The following PCLO variants were observed in gnomAD, a reference collection of about 807,000 sequenced individuals.
The protein encoded by PCLO is piccolo presynaptic cytomatrix protein.
A neutral mutation model predicts 427.5 loss-of-function variants in PCLO; 82 were observed. The observed-to-expected ratio is 0.19, with a 90% CI of 0.16 to 0.23. The LOEUF (loss-of-function observed/expected upper bound fraction) is 0.23. Ranked by LOEUF, PCLO falls within the 10% of genes least tolerant of loss-of-function variation. The pLI is 1.00. For missense variants in PCLO, 6,239 were observed against 6,115.9 expected (o/e 1.02, Z -0.67); for synonymous variants, 2,357 against 2,155.4 (o/e 1.09, Z -2.59).
chr7:83,038,029 A>G lies in PCLO; in HGVS notation c.3301-71542T>C, dbSNP rs1156435205. ...TATATATATATATATATATATATAT[A>G]TTTATATATTTATATATATATCTTT... is the stretch of plus-strand genomic sequence containing the variant. On this transcript the variant is annotated intron_variant, in intron 3 of 24. Coordinates refer to ENST00000333891, the MANE Select transcript of PCLO (RefSeq NM_033026.6). 5.5e-5 allele frequency among the ~76,000 whole-genome samples: 2 copies of G among 36,496 alleles called. 1 individual carries two copies. Among genetic ancestry groups the G allele is most frequent in the African/African-American group, 3.7e-4 (2 of 5,402 alleles). The allele number at this position is 36,496 out of a possible 152,430, so 23.9% of individuals were successfully genotyped here. A position where few individuals can be genotyped will look rare whatever the true frequency, so the allele number is the denominator to read the frequency against.
chr7:83,140,231 C>T (rs185775036), intron 2 of PCLO, among the ~76,000 whole-genome samples: 92 of 152,260 alleles, frequency 6.0e-4, no homozygotes, highest in African/African-American at 2.1e-3. Flanking sequence ...AATGTTCTCT[C>T]ACATTTCCAA....
chr7:82,817,386 G>C (rs1348990821), intron 20 of PCLO, among the ~76,000 whole-genome samples: 1 of 152,030 alleles, frequency 6.6e-6, no homozygotes, highest in Admixed American at 6.6e-5. Flanking sequence ...TTTCTTATGG[G>C]CCTGACCTTT....
intron 22 of PCLO, among the ~76,000 whole-genome samples, chr7:82,783,232 G>T (rs190412942): frequency 6.6e-6 from 1 of 152,210 alleles, no homozygotes; most frequent in Non-Finnish European, 1.5e-5. Context: ...AACATTCTTT[G>T]GTTTTGAGTT....
intron 3 of PCLO, among the ~76,000 whole-genome samples, chr7:83,058,626 C>T (rs1379038066): frequency 6.6e-6 from 1 of 151,944 alleles, no homozygotes; most frequent in African/African-American, 2.4e-5. Context: ...AAGAATATTG[C>T]CTAAATTAAC....
At chr7:83,094,853 T>A (rs918892811) in intron 3 of PCLO, among the ~76,000 whole-genome samples, 2 of 152,204 alleles carry the variant, frequency 1.3e-5, no homozygotes, top group Admixed American at 6.5e-5. Context: ...CCTACATTGC[T>A]GAATTCTATC....
At position 82,914,661 on chromosome 7, in the gene PCLO, C is replaced by G. The variant is rs143276163; in HGVS notation, c.13300+25G>C. On this transcript the variant is annotated intron_variant, in intron 7 of 24. Coordinates refer to ENST00000333891, the MANE Select transcript of PCLO (RefSeq NM_033026.6). ...ATAAGAGTTTGAGTTTTGAGAGTAA[C>G]AGGGTAGTTTGAGGCCCAATTTACC... is the stretch of plus-strand genomic sequence containing the variant. 9.2e-4 allele frequency: 1,475 copies of G among 1,608,330 alleles called. 13 individuals carry two copies. In the African/African-American group the frequency reaches 0.018, roughly 19 times the overall value.
intron 3 of PCLO, among the ~76,000 whole-genome samples, chr7:83,073,781 T>TA (rs1257801542): frequency 1.3e-5 from 2 of 151,188 alleles, no homozygotes; most frequent in Non-Finnish European, 3.0e-5. Flanking sequence ...TATTTTAACA[T>TA]AAATTTTTTT....
rs1245334505 is a variant in PCLO at position 83,123,748 on chromosome 7, T to C, written c.3300+10502A>G. 4.6e-5 allele frequency among the ~76,000 whole-genome samples: 7 copies of C among 152,120 alleles called. No individual in the cohort carries two copies. In the East Asian group the frequency reaches 7.8e-4, roughly 17 times the overall value. ...TGACAAGGGATTAATTTCCAGAATA[T>C]ACACAGAGCTGAAACAAATCCATAG... On this transcript the variant is annotated intron_variant, in intron 3 of 24. Coordinates refer to ENST00000333891, the MANE Select transcript of PCLO (RefSeq NM_033026.6).
At chr7:82,917,016 A>G (rs1195108534) in intron 6 of PCLO, 143 bp from the exon 7 acceptor site, 2 of 547,464 alleles carry the variant, frequency 3.7e-6, no homozygotes, top group African/African-American at 3.8e-5. Context: ...TATGCATATA[A>G]TTTCAAGTAT....
chr7:82,982,277 C>T (rs1263085090), intron 3 of PCLO, among the ~76,000 whole-genome samples: 1 of 152,082 alleles, frequency 6.6e-6, no homozygotes, highest in Non-Finnish European at 1.5e-5. Context: ...GCAGAAAATG[C>T]TCTGCAAACT....
chr7:82,892,255 C>T (rs1793786446), intron 9 of PCLO, among the ~76,000 whole-genome samples: 1 of 151,962 alleles, frequency 6.6e-6, no homozygotes, highest in Non-Finnish European at 1.5e-5. Context: ...CAGGACAGAG[C>T]CCTCAGAAAT....
intron 24 of PCLO, among the ~76,000 whole-genome samples, chr7:82,759,681 CTT>C (rs1790390061): frequency 6.6e-6 from 1 of 151,864 alleles, no homozygotes; most frequent in South Asian, 2.1e-4. Flanking sequence ...TATCTTTTAT[CTT>C]TGTCTCTAAT....
In PCLO at chr7:82,867,622, C is replaced by T. The variant is rs146530256; in HGVS notation, c.13654+11715G>A. Among the ~76,000 whole-genome samples the T allele has an allele frequency of 2.6e-3, 391 of 152,156 alleles. 1 individual carries two copies. The highest frequency in any genetic ancestry group is 8.9e-3 in the African/African-American group (369 of 41,490). ...CCAAGAAATATTGGTTAGACAAATCCGGAAATCTAACTGTAGGAACAATTG... is the reference window on the plus strand; with the variant it reads ...CCAAGAAATATTGGTTAGACAAATCTGGAAATCTAACTGTAGGAACAATTG... On this transcript the variant is annotated intron_variant, in intron 10 of 24. Transcript: ENST00000333891.
chr7:82,801,317 A>C (rs1336361407), intron 22 of PCLO, among the ~76,000 whole-genome samples: 1 of 151,434 alleles, frequency 6.6e-6, no homozygotes, highest in African/African-American at 2.4e-5. Flanking sequence ...AGTTACTTTA[A>C]TGTTAAACAC....
chr7:82,764,226 T>G (rs1020533948), intron 22 of PCLO, among the ~76,000 whole-genome samples: 7 of 151,924 alleles, frequency 4.6e-5, no homozygotes, highest in African/African-American at 1.7e-4. Context: ...GGATGCCATT[T>G]AAAACTAACA....
At chr7:82,978,359 C>T (rs1002693733) in intron 3 of PCLO, among the ~76,000 whole-genome samples, 1 of 151,954 alleles carries the variant, frequency 6.6e-6, no homozygotes, top group African/African-American at 2.4e-5. Context: ...CAGGAAGATA[C>T]AAATTTGTAA....
intron 3 of PCLO, among the ~76,000 whole-genome samples, chr7:82,988,353 T>A (rs991024313): frequency 6.6e-6 from 1 of 152,032 alleles, no homozygotes; most frequent in Non-Finnish European, 1.5e-5. Flanking sequence ...TAGAAAATAA[T>A]AATTGAAAAC....
chr7:82,837,324 G>A (rs1185796361), intron 15 of PCLO, among the ~76,000 whole-genome samples: 1 of 151,798 alleles, frequency 6.6e-6, no homozygotes, highest in East Asian at 1.9e-4. Flanking sequence ...TACCACAATG[G>A]AAAATTTCCA....
chr7:82,963,433 A>G (rs1795696985), intron 4 of PCLO, among the ~76,000 whole-genome samples: 1 of 151,492 alleles, frequency 6.6e-6, no homozygotes, highest in Admixed American at 6.6e-5. Flanking sequence ...TCTTTTTTTC[A>G]TAATTGGTTT....
Sources: allele counts gnomAD v4.1 joint callset (sites outside exome capture counted in the v4.1 genomes callset), GRCh38; gene constraint gnomAD v4.1.1; transcripts MANE v1.5; gene names NCBI Gene and HGNC (gene_info 2026-07-23, HGNC 2026-07-21).